HELZ2: variants seen among roughly 807,000 people sequenced by gnomAD.
HELZ2 encodes helicase with zinc finger 2.
A neutral mutation model predicts 208.8 loss-of-function variants in HELZ2; 143 were observed. The observed-to-expected ratio is 0.68, with a 90% CI of 0.60 to 0.79. The LOEUF (loss-of-function observed/expected upper bound fraction) is 0.79, where lower values mean the gene tolerates loss of function less well. HELZ2 is among the 30% of genes least tolerant of loss of function. The pLI, the probability that HELZ2 is intolerant of heterozygous loss-of-function variation, is 0.00. For synonymous variants in HELZ2, 1,705 were observed against 1,693.7 expected, an observed-to-expected ratio of 1.01 and a Z score of -0.16; for missense variants, 3,690 against 3,794.5, an observed-to-expected ratio of 0.97 and a Z score of 0.72.
At chr20:63,560,722 C>T (rs202003847) in intron 15 of HELZ2, 25 bp from the exon 17 acceptor site, 2 of 1,605,020 alleles carry the variant, frequency 1.2e-6, no homozygotes, top group Non-Finnish European at 1.7e-6. Flanking sequence ...GTGCGCTGGT[C>T]AGAGGCTGCC....
In HELZ2 at chr20:63,569,501, C is replaced by A. The variant is rs145731318; in HGVS notation, c.735G>T (p.Ser245=). The stretch of plus-strand genomic sequence containing the variant: ...CCACCCATTGCTCAAAGGTGCCGAA[C>A]GAGGCAGCCTGCACACGCACTCCCA... Residue 245 remains serine, a synonymous_variant, in exon 4 of 19, where the codon TCG becomes TCT. Coordinates refer to ENST00000467148, the Ensembl canonical transcript of HELZ2. 2.4e-4 allele frequency: 394 copies of A among 1,611,442 alleles called. No homozygotes were observed. In the African/African-American group the frequency reaches 4.8e-3, roughly 20 times the overall value.
Position 63,561,479 on chromosome 20 carries a change from A to T in HELZ2, c.6837-13T>A, listed in dbSNP as rs781336402. On this transcript the variant is annotated splice_polypyrimidine_tract_variant and intron_variant, in intron 12 of 18. Coordinates refer to ENST00000467148, the Ensembl canonical transcript of HELZ2. ...CAGGGTGATGCTCCTGGGGGACAGG[A>T]CACAGTGAGCCCTGTCCACGCAGGG... The T allele has an allele frequency of 6.2e-7, 1 of 1,600,084 alleles. No individual in the cohort carries two copies. The highest frequency in any genetic ancestry group is 8.5e-7 in the Non-Finnish European group (1 of 1,173,440).
exon 7 of HELZ2, chr20:63,566,404 G>A (rs2082957603): frequency 6.5e-7 from 1 of 1,548,272 alleles, no homozygotes; most frequent in Non-Finnish European, 8.7e-7. Flanking sequence ...ACTGCCGACA[G>A]ACACCTGGCC....
chr20:63,559,600 G>C (rs1202235974), intron 18 of HELZ2, among the ~76,000 whole-genome samples: 1 of 75,744 alleles, frequency 1.3e-5, no homozygotes, highest in Non-Finnish European at 3.0e-5. Flanking sequence ...CAGGTGGGAG[G>C]AGTCAGGGTC....
chr20:63,563,116 G>A, exon 8 of HELZ2: 2 of 1,595,966 alleles, frequency 1.3e-6, no homozygotes, highest in Non-Finnish European at 1.7e-6. Context: ...CCACCGTCCA[G>A]AGCTGAGGGC....
chr20:63,562,202 C>T (rs751430713), exon 10 of HELZ2: 6 of 1,611,928 alleles, frequency 3.7e-6, no homozygotes, highest in Non-Finnish European at 5.1e-6. Flanking sequence ...TGCTGGGGAT[C>T]ACTGAGAGGG....
chr20:63,563,036 C>G (rs552403375), exon 8 of HELZ2: 3 of 1,599,682 alleles, frequency 1.9e-6, no homozygotes, highest in African/African-American at 2.7e-5. Flanking sequence ...CCTCGGGGCC[C>G]GGTACACACG....
exon 4 of HELZ2, chr20:63,569,297 G>C: frequency 1.3e-6 from 2 of 1,575,492 alleles, no homozygotes; most frequent in South Asian, 2.3e-5. Context: ...TGGCCATCAG[G>C]GCCGTCTGCT....
At chr20:63,560,258 A>G in exon 17 of HELZ2, 1 of 1,563,076 alleles carries the variant, frequency 6.4e-7, no homozygotes, top group South Asian at 1.2e-5. Context: ...TGCGCGTTGT[A>G]GGGCGTGAGG....
chr20:63,562,570 C>A (rs140072487), exon 8 of HELZ2: 3 of 1,598,098 alleles, frequency 1.9e-6, no homozygotes, highest in East Asian at 2.3e-5. Flanking sequence ...GGGTGCCCGG[C>A]CTCAGCACCT....
intron 4 of HELZ2, 40 bp from the exon 6 acceptor site, chr20:63,569,039 G>C (rs747168106): frequency 1.9e-5 from 30 of 1,595,814 alleles, no homozygotes; most frequent in Middle Eastern, 1.7e-4. Flanking sequence ...GGCCACAGCT[G>C]CCAGCCCCGC....
rs773562076 is a variant in HELZ2, at chr20:63,569,098, T to G, written c.1088+50A>C. 3 of 1,581,980 alleles carry G rather than the reference T, an allele frequency of 1.9e-6. No individual in the cohort carries two copies. In the African/African-American group the frequency reaches 4.1e-5, roughly 22 times the overall value. On this transcript the variant is annotated intron_variant, in intron 4 of 18. Transcript: ENST00000467148. ...CTCCCGTTGCCCCAGCCGCTCCCAT[T>G]GCCCCAGCTGCTCCTGCTACCCCAG... is the stretch of plus-strand genomic sequence containing the variant.
chr20:63,560,591 T>A (rs759131164), exon 16 of HELZ2: 1 of 1,612,248 alleles, frequency 6.2e-7, no homozygotes, highest in South Asian at 1.1e-5. Context: ...AGGGCAGCTC[T>A]CCTTGCCAGC....
At chr20:63,565,600 G>A (rs781687009) in exon 8 of HELZ2, 4 of 1,609,928 alleles carry the variant, frequency 2.5e-6, no homozygotes, top group Non-Finnish European at 2.5e-6. Context: ...GCTCCCGTAG[G>A]ATGGCGTCGT....
downstream of HELZ2, chr20:63,558,971 CAGGG>C: frequency 2.9e-6 from 1 of 343,520 alleles, no homozygotes; most frequent in South Asian, 7.0e-5. Flanking sequence ...TGAGACTTCC[CAGGG>C]ACAGCAGAAC....
exon 12 of HELZ2, chr20:63,561,707 C>T: frequency 1.9e-6 from 3 of 1,611,424 alleles, no homozygotes; most frequent in Non-Finnish European, 2.5e-6. Flanking sequence ...TCACTGTACA[C>T]ACGGAGGGGC....
exon 4 of HELZ2, chr20:63,569,650 C>A: frequency 3.9e-6 from 6 of 1,534,860 alleles, no homozygotes; most frequent in Non-Finnish European, 5.3e-6. Context: ...AGCAGGGCCA[C>A]GTGTAGCAGG....
exon 8 of HELZ2, chr20:63,563,314 C>A: frequency 6.5e-7 from 1 of 1,542,090 alleles, no homozygotes. Context: ...AGCGCTGCAG[C>A]TCCACCAGCT....
exon 8 of HELZ2, chr20:63,562,535 T>C: frequency 1.9e-6 from 3 of 1,585,156 alleles, no homozygotes; most frequent in Non-Finnish European, 2.6e-6. Flanking sequence ...AGGAAGCTGC[T>C]TGGGCAGCAG....
Sources: allele counts gnomAD v4.1 joint callset (sites outside exome capture counted in the v4.1 genomes callset), GRCh38; gene constraint gnomAD v4.1.1; transcripts MANE v1.5; gene names NCBI Gene and HGNC (gene_info 2026-07-23, HGNC 2026-07-21).